The following MED17 variants were observed in gnomAD, a reference collection of about 807,000 sequenced individuals.
The protein encoded by MED17 is mediator complex subunit 17.
A neutral mutation model predicts 80.8 loss-of-function variants in MED17; 49 were observed. The ratio of observed to expected loss-of-function variants is 0.61; its 90% CI spans 0.48 to 0.77. MED17 has a LOEUF of 0.77. Ranked by LOEUF, MED17 falls within the 30% of genes least tolerant of loss-of-function variation. The pLI is 0.00. For missense variants in MED17, 718 were observed against 787.0 expected (o/e 0.91, Z 1.05); for synonymous variants, 281 against 280.4 (o/e 1.00, Z -0.02).
At position 93,788,182 on chromosome 11, in the gene MED17, T is replaced by C. The variant is rs1943789279; in HGVS notation, c.417+15T>C. The C allele has an allele frequency of 3.1e-6, 5 of 1,600,582 alleles. No individual in the cohort carries two copies. The highest frequency in any genetic ancestry group is 3.4e-6 in the Non-Finnish European group (4 of 1,169,016). On this transcript the variant is annotated intron_variant, in intron 2 of 11. Transcript: ENST00000251871. ...CTCCAAAACAGGTATTTGTGGACTT[T>C]AATTGAATAATAAAATTTTATTTAT...
Position 93,796,614 on chromosome 11 carries a change from C to G in MED17, c.1143+74C>G. 2.0e-6 allele frequency: 3 copies of G among 1,528,366 alleles called. No homozygotes were observed. In the South Asian group the frequency reaches 3.4e-5, roughly 17 times the overall value. 94.7% of individuals were successfully genotyped at this position (1,528,366 alleles called of 1,614,324 possible). ...CAGTGAGTATGCACAAAGCTCCTCT[C>G]GTCTGCTGAGTCTTGATTATTCACA... On this transcript the variant is annotated intron_variant, in intron 7 of 11. Transcript: ENST00000251871.
chr11:93,787,984 T>C lies in MED17; in HGVS notation c.251-17T>C, dbSNP rs933919799. The C allele has an allele frequency of 1.2e-6, 2 of 1,607,960 alleles. No individual in the cohort carries two copies. The highest frequency in any genetic ancestry group is 8.5e-7 in the Non-Finnish European group (1 of 1,174,662). ...CGAATACTTCTGTATTTCTTTTTTT[T>C]CTCTCTCTCTTTTTAGGAGTGGTAA... On this transcript the variant is annotated splice_polypyrimidine_tract_variant and intron_variant, in intron 1 of 11. Transcript: ENST00000251871.
chr11:93,786,741 T>C (rs1011278041), intron 1 of MED17, among the ~76,000 whole-genome samples: 1 of 152,124 alleles, frequency 6.6e-6, no homozygotes, highest in Non-Finnish European at 1.5e-5. Flanking sequence ...AGTGCTGGGA[T>C]TACAGGCCTG....
At chr11:93,785,102 C>T (rs1017555536) in intron 1 of MED17, among the ~76,000 whole-genome samples, 1 of 152,234 alleles carries the variant, frequency 6.6e-6, no homozygotes, top group African/African-American at 2.4e-5. Flanking sequence ...CCCTTGCCGG[C>T]TGTGTGACCT....
In MED17 at chr11:93,784,549, A is replaced by T. The variant is rs544148290; in HGVS notation, c.36A>T (p.Glu12Asp). The T allele has an allele frequency of 6.2e-7, 1 of 1,612,454 alleles. No individual in the cohort carries two copies. Among genetic ancestry groups the T allele is most frequent in the Non-Finnish European group, 8.5e-7 (1 of 1,179,782 alleles). The change falls in exon 1 of 12, where the codon GAA (glutamate) becomes GAT (aspartate). Residue 12 changes from glutamate (E) to aspartate (D), a missense_variant. Glu to Asp is a conservative substitution (Grantham distance 45, BLOSUM62 2). Transcript: ENST00000251871. Reference sequence around the variant, plus strand: ...TGCGCGCAGTGCGGATCAGCATCGAATCGGCCTGCGAGAAGCAGGTCCATG... The same window carrying T: ...TGCGCGCAGTGCGGATCAGCATCGATTCGGCCTGCGAGAAGCAGGTCCATG... ...SGVRAVRISIESACEKQVHEV... is the reference protein window; with the variant it reads ...SGVRAVRISIDSACEKQVHEV...
At chr11:93,794,793 T>C (rs1029282274) in intron 5 of MED17, 115 bp from the exon 6 acceptor site, 2 of 1,124,044 alleles carry the variant, frequency 1.8e-6, no homozygotes, top group Admixed American at 2.0e-5. Flanking sequence ...AAAAAAAGAA[T>C]ATACCGTAAT....
chr11:93,811,488 T>C (rs890317911), intron 11 of MED17: 1 of 275,032 alleles, frequency 3.6e-6, no homozygotes, highest in Non-Finnish European at 7.0e-6. Context: ...CCTGGCAACA[T>C]AGAGAGACCT....
chr11:93,799,596 A>G (rs372311322), intron 8 of MED17, among the ~76,000 whole-genome samples: 2 of 152,316 alleles, frequency 1.3e-5, no homozygotes, highest in East Asian at 3.9e-4. Context: ...CCTGGGCAAC[A>G]TGGCCCATCT....
intron 8 of MED17, among the ~76,000 whole-genome samples, chr11:93,799,401 C>T (rs2135716501): frequency 6.6e-6 from 1 of 152,290 alleles, no homozygotes; most frequent in Non-Finnish European, 1.5e-5. Context: ...GTCCCGAACT[C>T]CTGACCTCAA....
At position 93,797,651 on chromosome 11, in the gene MED17, A is replaced by G. The variant is rs36120755; in HGVS notation, c.1260A>G (p.Ser420=). 6.1e-3 allele frequency: 9,923 copies of G among 1,613,904 alleles called. 531 individuals are homozygous for G. The African/African-American group carries it at 0.12, about 19-fold the overall frequency. The change falls in exon 8 of 12, where the codon TCA becomes TCG. Residue 420 remains serine (S), a synonymous_variant. Transcript: ENST00000251871. ...PQAFDKNEIN[S]LQSSEGLLEK... ...CTTTTGATAAAAATGAAATTAATTC[A>G]TTACAGTCCAGTGAAGGGCTTCTGG...
intron 1 of MED17, among the ~76,000 whole-genome samples, chr11:93,785,433 C>T (rs1003572066): frequency 6.6e-6 from 1 of 151,534 alleles, no homozygotes; most frequent in Admixed American, 6.6e-5. Flanking sequence ...TCATTATTGT[C>T]AAGGATTTTT....
intron 8 of MED17, among the ~76,000 whole-genome samples, chr11:93,799,314 T>TA (rs1017215341): frequency 1.3e-5 from 2 of 152,126 alleles, no homozygotes; most frequent in African/African-American, 4.8e-5. Flanking sequence ...TATTTGGGAT[T>TA]ACAAGTGTGC....
At chr11:93,793,920 G>C (rs199658842) in intron 4 of MED17, 31 bp from the exon 5 acceptor site, 1 of 1,612,198 alleles carries the variant, frequency 6.2e-7, no homozygotes. Context: ...AAGTTAATTT[G>C]TTAACTTTTT....
Position 93,784,520 on chromosome 11 carries a change from G to C in MED17, c.7G>C (p.Gly3Arg). The C allele has an allele frequency of 1.2e-6, 2 of 1,600,946 alleles. No individual in the cohort carries two copies. The highest frequency in any genetic ancestry group is 1.7e-6 in the Non-Finnish European group (2 of 1,171,524). Reference sequence around the variant, plus strand: ...GCTGGCCGACGCAGCCAGCATGTCCGGGGTGCGCGCAGTGCGGATCAGCAT... The same window carrying C: ...GCTGGCCGACGCAGCCAGCATGTCCCGGGTGCGCGCAGTGCGGATCAGCAT... MS[G>R]VRAVRISIES... Residue 3 changes from glycine to arginine, a missense_variant, in exon 1 of 12, where the codon GGG becomes CGG. Physicochemically the swap from Gly to Arg is moderately radical, Grantham distance 125. Transcript: ENST00000251871.
chr11:93,808,190 C>A, intron 10 of MED17: 1 of 167,098 alleles, frequency 6.0e-6, no homozygotes, highest in Non-Finnish European at 1.3e-5. Context: ...ATAGCAAGAC[C>A]CCTGTCTCCA....
At chr11:93,795,298 CATT>C (rs1443589738) in intron 6 of MED17, 6 of 561,680 alleles carry the variant, frequency 1.1e-5, no homozygotes, top group African/African-American at 5.6e-5. Flanking sequence ...CTTATGTAGT[CATT>C]ATTGTGGTCA....
chr11:93,793,661 T>G (rs1031845631), intron 3 of MED17, 67 bp from the exon 4 acceptor site: 6 of 1,173,024 alleles, frequency 5.1e-6, no homozygotes, highest in Non-Finnish European at 7.6e-6. Context: ...GTATTATATA[T>G]TTAATAATGT....
At chr11:93,796,583 C>T in intron 7 of MED17, 43 bp downstream of exon 7, 1 of 1,608,720 alleles carries the variant, frequency 6.2e-7, no homozygotes, top group South Asian at 1.1e-5. Flanking sequence ...GTGAGTATGT[C>T]CAGGGCAGTG....
rs1354351133 is a variant in MED17 at position 93,814,810 on chromosome 11, C to G, written c.*2746C>G. ...ATATTGAGTGTTTTTCATCAGATTT[C>G]TTTGCTGGAACACCATCAAATCAAA... On this transcript the variant is annotated 3_prime_UTR_variant, in exon 12 of 12. Transcript: ENST00000251871. 1 of 152,144 alleles carries G rather than the reference C, an allele frequency of 6.6e-6. No homozygotes were observed. Among genetic ancestry groups the G allele is most frequent in the Non-Finnish European group, 1.5e-5 (1 of 68,024 alleles). 9.4% of individuals were successfully genotyped at this position (152,144 alleles called of 1,614,324 possible). A position where few individuals can be genotyped will look rare whatever the true frequency, so the allele number is the denominator to read the frequency against.
Sources: allele counts gnomAD v4.1 joint callset (sites outside exome capture counted in the v4.1 genomes callset), GRCh38; gene constraint gnomAD v4.1.1; transcripts MANE v1.5; gene names NCBI Gene and HGNC (gene_info 2026-07-23, HGNC 2026-07-21).